CDIN1: variants seen among roughly 807,000 people sequenced by gnomAD.
CDIN1 encodes the protein CDAN1 interacting nuclease 1.
Under a neutral mutation model 45.3 loss-of-function variants are expected in CDIN1, and 33 were observed. That is an observed-to-expected ratio of 0.73 (90% CI 0.55 to 0.97). The LOEUF is 0.97. CDIN1 is among the 50% of genes least tolerant of loss of function. The pLI is 0.00. For synonymous variants in CDIN1, 118 were observed against 124.4 expected (o/e 0.95, Z 0.34); for missense variants, 303 against 339.4 (o/e 0.89, Z 0.84).
intron 1 of CDIN1, among the ~76,000 whole-genome samples, chr15:36,589,615 C>G (rs1423521404): frequency 1.3e-5 from 2 of 152,116 alleles, no homozygotes; most frequent in Non-Finnish European, 2.9e-5. Context: ...ACGCCATTCT[C>G]CTGCCTCAGC....
At chr15:36,696,611 G>A (rs2042434883) in intron 7 of CDIN1, 2 of 152,092 alleles carry the variant, frequency 1.3e-5, no homozygotes, top group Admixed American at 6.6e-5. Context: ...TTAAGAGCGG[G>A]AGCCTTGCTA....
At chr15:36,581,608 T>C (rs1480255368) in intron 1 of CDIN1, among the ~76,000 whole-genome samples, 9 of 152,362 alleles carry the variant, frequency 5.9e-5, no homozygotes, top group African/African-American at 1.7e-4. Context: ...CTGGGTGTGG[T>C]GGCTCACGCC....
intron 1 of CDIN1, chr15:36,618,774 A>G: frequency 1.3e-6 from 1 of 778,226 alleles, no homozygotes. Flanking sequence ...AAAAAAAAAA[A>G]AAAAAAGGAT....
intron 5 of CDIN1, among the ~76,000 whole-genome samples, chr15:36,676,317 C>T (rs1453734897): frequency 6.6e-6 from 1 of 152,120 alleles, no homozygotes; most frequent in Non-Finnish European, 1.5e-5. Flanking sequence ...GCCCCCTTTC[C>T]TTGAATACTT....
chr15:36,747,168 TAAAC>T (rs2044476271), intron 10 of CDIN1: 1 of 393,192 alleles, frequency 2.5e-6, no homozygotes, highest in South Asian at 1.4e-4. Flanking sequence ...TTCCTCATCT[TAAAC>T]AATAAGTAGC....
intron 10 of CDIN1, among the ~76,000 whole-genome samples, chr15:36,744,775 A>G (rs1001268861): frequency 6.6e-6 from 1 of 152,196 alleles, no homozygotes; most frequent in East Asian, 1.9e-4. Context: ...GCCTTCAACT[A>G]TACTGCTGTT....
intron 10 of CDIN1, among the ~76,000 whole-genome samples, chr15:36,789,210 A>C (rs909868077): frequency 5.3e-5 from 8 of 152,308 alleles, no homozygotes; most frequent in Middle Eastern, 6.8e-3. Context: ...TCCCTGCATG[A>C]TTACTGTCAT....
chr15:36,695,480 CATT>C (rs1262494671), intron 7 of CDIN1, among the ~76,000 whole-genome samples: 1 of 152,134 alleles, frequency 6.6e-6, no homozygotes. Context: ...CTCCTGATTT[CATT>C]ATTTACCAGC....
chr15:36,593,320 T>C (rs780649384), intron 1 of CDIN1, among the ~76,000 whole-genome samples: 2 of 152,186 alleles, frequency 1.3e-5, no homozygotes, highest in Non-Finnish European at 2.9e-5. Flanking sequence ...CTGTTTTGTC[T>C]CAACTTAGTA....
intron 10 of CDIN1, among the ~76,000 whole-genome samples, chr15:36,714,281 A>G (rs1267420317): frequency 6.6e-6 from 1 of 152,166 alleles, no homozygotes; most frequent in Non-Finnish European, 1.5e-5. Flanking sequence ...TAAATGACAA[A>G]TGCACTTTAT....
At chr15:36,756,959 C>T (rs2053625749) in intron 10 of CDIN1, among the ~76,000 whole-genome samples, 1 of 152,108 alleles carries the variant, frequency 6.6e-6, no homozygotes, top group South Asian at 2.1e-4. Context: ...AATGGAGTCC[C>T]CCATGGCGCT....
chr15:36,620,176 C>T (rs913141257), intron 1 of CDIN1, among the ~76,000 whole-genome samples: 9 of 152,022 alleles, frequency 5.9e-5, no homozygotes, highest in Middle Eastern at 6.8e-3. Context: ...ACGATGAAAC[C>T]CCGTCTCTAC....
intron 10 of CDIN1, among the ~76,000 whole-genome samples, chr15:36,766,900 T>G (rs1313910903): frequency 6.6e-6 from 1 of 152,174 alleles, no homozygotes; most frequent in African/African-American, 2.4e-5. Flanking sequence ...ATGGGTTTTG[T>G]TTTTTGTGTG....
intron 10 of CDIN1, chr15:36,798,530 A>AATG (rs1327687433): frequency 6.6e-6 from 1 of 152,232 alleles, no homozygotes; most frequent in Non-Finnish European, 1.5e-5. Flanking sequence ...ACATTTGGTT[A>AATG]ATGATAGATT....
intron 1 of CDIN1, chr15:36,614,068 C>A: frequency 1.0e-6 from 1 of 1,000,074 alleles, no homozygotes; most frequent in East Asian, 2.4e-5. Context: ...AAGGAGAGAC[C>A]TGTGCTGAGT....
chr15:36,676,784 C>T (rs1019587120), intron 5 of CDIN1, among the ~76,000 whole-genome samples: 2 of 152,148 alleles, frequency 1.3e-5, no homozygotes, highest in African/African-American at 4.8e-5. Flanking sequence ...TTATGTGGCC[C>T]TATATTTGCT....
chr15:36,632,765 A>C (rs533188804), intron 1 of CDIN1, among the ~76,000 whole-genome samples: 3 of 152,350 alleles, frequency 2.0e-5, no homozygotes, highest in Admixed American at 1.3e-4. Flanking sequence ...GCAAGAGAAG[A>C]CTGAAGAGAC....
intron 1 of CDIN1, chr15:36,617,620 A>G: frequency 1.3e-6 from 1 of 772,480 alleles, no homozygotes; most frequent in South Asian, 1.4e-5. Flanking sequence ...TGAAGTGTTA[A>G]GTTCTTCTCC....
intron 1 of CDIN1, among the ~76,000 whole-genome samples, chr15:36,581,728 A>G (rs1381576500): frequency 6.6e-6 from 1 of 151,850 alleles, no homozygotes; most frequent in African/African-American, 2.4e-5. Context: ...AAATCCAAAA[A>G]ATTAGCTGGG....
Sources: gnomAD v4.1 joint callset for allele counts (sites outside exome capture counted in the v4.1 genomes callset) on GRCh38, gnomAD v4.1.1 for gene constraint, MANE v1.5 for transcripts, NCBI Gene and HGNC (gene_info 2026-07-23, HGNC 2026-07-21) for gene names.